Variants in MAD1L1 observed in about 807,000 individuals in gnomAD.
MAD1L1 encodes mitotic spindle assembly checkpoint protein MAD1.
MAD1L1 carries 95 observed loss-of-function variants against 96.9 expected under a neutral mutation model. The ratio of observed to expected loss-of-function variants is 0.98; its 90% CI spans 0.83 to 1.16. The LOEUF (loss-of-function observed/expected upper bound fraction) is 1.16. MAD1L1 is among the 50% of genes most tolerant of loss of function. MAD1L1 has a pLI of 0.00. For missense variants in MAD1L1, 1,007 were observed against 954.4 expected (o/e 1.06, Z -0.73); for synonymous variants, 473 against 396.6 (o/e 1.19, Z -2.29).
At chr7:1,817,201 G>A (rs1185147887) in intron 18 of MAD1L1, 4 of 152,178 alleles carry the variant, frequency 2.6e-5, no homozygotes, top group Non-Finnish European at 5.9e-5. Context: ...GAGCTGCTGG[G>A]TCGAGGGGAA....
chr7:1,894,920 A>G (rs1242675742), intron 18 of MAD1L1, among the ~76,000 whole-genome samples: 1 of 152,102 alleles, frequency 6.6e-6, no homozygotes, highest in Non-Finnish European at 1.5e-5. Context: ...GCAGTGGGGG[A>G]GAAACACAGG....
At chr7:1,987,629 G>A (rs1410635181) in intron 14 of MAD1L1, among the ~76,000 whole-genome samples, 1 of 152,228 alleles carries the variant, frequency 6.6e-6, no homozygotes, top group Non-Finnish European at 1.5e-5. Flanking sequence ...GGTGCTCTCG[G>A]CACCAACTGC....
At chr7:2,217,847 G>T in intron 7 of MAD1L1, 115 bp downstream of exon 7, 1 of 859,840 alleles carries the variant, frequency 1.2e-6, no homozygotes, top group Non-Finnish European at 2.0e-6. Context: ...CAGGGCAGCA[G>T]CTAACCTCAC....
chr7:2,153,934 G>A (rs1297514458), intron 10 of MAD1L1, among the ~76,000 whole-genome samples: 1 of 152,184 alleles, frequency 6.6e-6, no homozygotes, highest in Non-Finnish European at 1.5e-5. Context: ...GAGGCAGGTG[G>A]ATCAGGAGGT....
At chr7:2,057,283 C>T (rs1414272487) in intron 12 of MAD1L1, among the ~76,000 whole-genome samples, 2 of 152,194 alleles carry the variant, frequency 1.3e-5, no homozygotes, top group Non-Finnish European at 2.9e-5. Flanking sequence ...CCCAGCACGT[C>T]GGGAAGCCAA....
Position 2,059,465 on chromosome 7 carries a change from G to A in MAD1L1, c.1218+9729C>T, listed in dbSNP as rs183033386. Reference sequence around the variant, plus strand: ...AGCGTGGCCAGAGGAGAGAAGAGGCGTGGGGCTGGAGAGGGATTGTGGCCA... The same window carrying A: ...AGCGTGGCCAGAGGAGAGAAGAGGCATGGGGCTGGAGAGGGATTGTGGCCA... On this transcript the variant is annotated intron_variant, in intron 12 of 18. Coordinates refer to ENST00000265854, the MANE Select transcript of MAD1L1 (RefSeq NM_001013836.2). Among the ~76,000 whole-genome samples, 354 of 151,008 alleles carry A rather than the reference G, an allele frequency of 2.3e-3. 2 individuals are homozygous for A. Among genetic ancestry groups the A allele is most frequent in the Non-Finnish European group, 3.8e-3 (256 of 67,652 alleles).
At chr7:2,197,497 C>T (rs902414346) in intron 10 of MAD1L1, among the ~76,000 whole-genome samples, 1 of 152,208 alleles carries the variant, frequency 6.6e-6, no homozygotes, top group African/African-American at 2.4e-5. Flanking sequence ...CGCATCACTC[C>T]GCCGACGCCT....
intron 15 of MAD1L1, 122 bp from the exon 16 acceptor site, chr7:1,957,841 T>C (rs576266428): frequency 2.6e-6 from 2 of 763,152 alleles, no homozygotes; most frequent in East Asian, 2.6e-5. Context: ...TATTTCTAAA[T>C]ACATATCTGT....
At chr7:1,900,189 C>A (rs546847919) in intron 17 of MAD1L1, among the ~76,000 whole-genome samples, 4 of 152,384 alleles carry the variant, frequency 2.6e-5, no homozygotes, top group Non-Finnish European at 5.9e-5. Flanking sequence ...GATCCCCAAT[C>A]CACACACAAT....
At position 2,147,358 on chromosome 7, in the gene MAD1L1, G is replaced by A. The variant is rs188710927; in HGVS notation, c.1073+1794C>T. 4.5e-3 allele frequency among the ~76,000 whole-genome samples: 690 copies of A among 152,294 alleles called. 5 individuals carry two copies. Among genetic ancestry groups the A allele is most frequent in the African/African-American group, 0.016 (655 of 41,578 alleles). ...GGGAAGCGTCTCCAGCGCTCCTGGC[G>A]ACGGGTGACCAGCGCCATCTGGAGC... On this transcript the variant is annotated intron_variant, in intron 11 of 18. Transcript: ENST00000265854.
intron 17 of MAD1L1, among the ~76,000 whole-genome samples, chr7:1,910,477 T>C (rs10230383): frequency 0.45 from 69,079 of 152,110 alleles, 15,924 homozygotes; most frequent in Admixed American, 0.55. Context: ...GGGGACCCCT[T>C]GAACACCCGC....
At chr7:1,944,277 G>A (rs1409698585) in intron 16 of MAD1L1, among the ~76,000 whole-genome samples, 4 of 152,212 alleles carry the variant, frequency 2.6e-5, no homozygotes, top group Non-Finnish European at 5.9e-5. Context: ...GGATCAAAAC[G>A]TTCTGCGAAG....
At chr7:2,226,470 G>A (rs1250805460) in intron 3 of MAD1L1, among the ~76,000 whole-genome samples, 1 of 152,000 alleles carries the variant, frequency 6.6e-6, no homozygotes, top group Non-Finnish European at 1.5e-5. Context: ...CCTCTCAGAA[G>A]TCTGCCTACC....
rs576347974 is a variant in MAD1L1, at chr7:2,001,957, C to G, written c.1416+108G>C. 5 of 1,138,622 alleles carry G rather than the reference C, an allele frequency of 4.4e-6. No individual in the cohort carries two copies. The East Asian group carries it at 9.4e-5, about 21-fold the overall frequency. The allele number at this position is 1,138,622 out of a possible 1,614,324, so 70.5% of individuals were successfully genotyped here. A position where few individuals can be genotyped will look rare whatever the true frequency, so the allele number is the denominator to read the frequency against. ...ACGCAGCTTCCGACGACAGAAGAGG[C>G]AGCCATGCACTGGCGCCTGCAGCCT... On this transcript the variant is annotated intron_variant, in intron 14 of 18. Transcript: ENST00000265854.
chr7:1,900,599 G>A (rs927734588), intron 17 of MAD1L1, among the ~76,000 whole-genome samples: 14 of 152,110 alleles, frequency 9.2e-5, no homozygotes, highest in Non-Finnish European at 1.6e-4. Flanking sequence ...TGCGTCCCTC[G>A]GCTGATCCTC....
intron 15 of MAD1L1, among the ~76,000 whole-genome samples, chr7:1,979,055 T>C (rs1194114120): frequency 6.6e-6 from 1 of 152,184 alleles, no homozygotes; most frequent in Non-Finnish European, 1.5e-5. Flanking sequence ...GGGGCCACAC[T>C]AAAGGCAGCC....
rs1000066733 is a variant in MAD1L1 at position 1,857,724 on chromosome 7, C to T, written c.1998+40476G>A. On this transcript the variant is annotated intron_variant, in intron 18 of 18. Coordinates refer to ENST00000265854, the MANE Select transcript of MAD1L1 (RefSeq NM_001013836.2). ...GAGTGTGGGCAAGGCCAGGGCTCAC[C>T]AGGGGCCGGGGGACGTCCTGGTCCT... Among the ~76,000 whole-genome samples, 5 of 152,186 alleles carry T rather than the reference C, an allele frequency of 3.3e-5. No individual in the cohort carries two copies. In the East Asian group the frequency reaches 9.6e-4, roughly 29 times the overall value.
At chr7:2,133,483 A>C (rs1788611961) in intron 11 of MAD1L1, among the ~76,000 whole-genome samples, 1 of 152,222 alleles carries the variant, frequency 6.6e-6, no homozygotes, top group Non-Finnish European at 1.5e-5. Flanking sequence ...ACGGTGAAAA[A>C]TATTTTCTCC....
At chr7:1,891,027 G>T (rs1444765568) in intron 18 of MAD1L1, among the ~76,000 whole-genome samples, 1 of 152,158 alleles carries the variant, frequency 6.6e-6, no homozygotes, top group African/African-American at 2.4e-5. Flanking sequence ...CGGGCTCTGC[G>T]CCACCTCCCC....
Sources: gnomAD v4.1 joint callset for allele counts (sites outside exome capture counted in the v4.1 genomes callset) on GRCh38, gnomAD v4.1.1 for gene constraint, MANE v1.5 for transcripts, NCBI Gene and HGNC (gene_info 2026-07-23, HGNC 2026-07-21) for gene names.